The following SPG11 variants were observed in gnomAD, a reference collection of about 807,000 sequenced individuals.
SPG11 encodes spatacsin.
Under a neutral mutation model 274.0 loss-of-function variants are expected in SPG11, and 222 were observed. The observed-to-expected ratio is 0.81, with a 90% CI of 0.73 to 0.91. The LOEUF is 0.91. SPG11 is among the 40% of genes least tolerant of loss of function. SPG11 has a pLI of 0.00. For missense variants in SPG11, 3,114 were observed against 2,872.7 expected, an observed-to-expected ratio of 1.08 and a Z score of -1.92; for synonymous variants, 1,144 against 1,039.7, an observed-to-expected ratio of 1.10 and a Z score of -1.93.
At chr15:44,607,196 T>C (rs943282735) in intron 19 of SPG11, among the ~76,000 whole-genome samples, 2 of 152,242 alleles carry the variant, frequency 1.3e-5, no homozygotes, top group African/African-American at 4.8e-5. Context: ...ACAAGCAGTA[T>C]ACAAGTGCTG....
In SPG11 at chr15:44,652,346, A is replaced by G. The variant is rs2084808250; in HGVS notation, c.870-80T>C. ...TGTGTTACTACTGCTCCTGTTAAAA[A>G]TAAGAGATTACAGAGAAGGAATAGT... On this transcript the variant is annotated intron_variant, in intron 4 of 39. Coordinates refer to ENST00000261866, the MANE Select transcript of SPG11 (RefSeq NM_025137.4). 4 of 1,451,170 alleles carry G rather than the reference A, an allele frequency of 2.8e-6. No homozygotes were observed. In the African/African-American group the frequency reaches 5.6e-5, roughly 20 times the overall value. 89.9% of individuals were successfully genotyped at this position (1,451,170 alleles called of 1,614,324 possible).
chr15:44,565,272 G>T (rs2082285519), intron 38 of SPG11, among the ~76,000 whole-genome samples: 1 of 152,182 alleles, frequency 6.6e-6, no homozygotes, highest in South Asian at 2.1e-4. Flanking sequence ...AACCTCAACT[G>T]TCTTAAGGCA....
chr15:44,582,696 G>A (rs1457208888), intron 30 of SPG11, among the ~76,000 whole-genome samples: 4 of 151,808 alleles, frequency 2.6e-5, no homozygotes, highest in African/African-American at 7.3e-5. Context: ...ATGTAAATGG[G>A]GAATTCAAGG....
Position 44,626,350 on chromosome 15 carries a change from G to A in SPG11, c.2225C>T (p.Ser742Phe), listed in dbSNP as rs779199279. ...ACTCACCATATTCTTCAAAAGTTCA[G>A]AGGCTTCCTTTATATTGTTCTTTTT... ...NLKKNNIKEA[S>F]ELLKNMGFDV... The change falls in exon 11 of 40, where the codon TCT (serine) becomes TTT (phenylalanine). Residue 742 changes from serine to phenylalanine, a missense_variant. By Grantham distance (155) the Ser-to-Phe change is radical. Transcript: ENST00000261866. 1.9e-6 allele frequency: 3 copies of A among 1,612,346 alleles called. No individual in the cohort carries two copies. The highest frequency in any genetic ancestry group is 2.5e-6 in the Non-Finnish European group (3 of 1,179,714).
chr15:44,583,799 A>T lies in SPG11; in HGVS notation c.5866+15T>A. On this transcript the variant is annotated intron_variant, in intron 30 of 39. Coordinates refer to ENST00000261866, the MANE Select transcript of SPG11 (RefSeq NM_025137.4). Reference sequence around the variant, plus strand: ...GCCATTTAAGACTCTGGGCCATCTGATCTCCTTCACTTACTGCTGTGGACT... The same window carrying T: ...GCCATTTAAGACTCTGGGCCATCTGTTCTCCTTCACTTACTGCTGTGGACT... 6.2e-7 allele frequency: 1 copy of T among 1,613,976 alleles called. No homozygotes were observed. The highest frequency in any genetic ancestry group is 1.1e-5 in the South Asian group (1 of 91,068).
At position 44,629,368 on chromosome 15, in the gene SPG11, C is replaced by G. The variant is rs2083993724; in HGVS notation, c.1756G>C (p.Ala586Pro). The change falls in exon 9 of 40, where the codon GCA becomes CCA. Residue 586 changes from alanine (A) to proline (P), a missense_variant. Ala to Pro is a conservative substitution (Grantham distance 27). Transcript: ENST00000261866. Reference sequence around the variant, plus strand: ...ATTGCCGAGCAAAGTAAATCCAATGCTGGTATCAGCTCTTCCACATCTGAG... The same window carrying G: ...ATTGCCGAGCAAAGTAAATCCAATGGTGGTATCAGCTCTTCCACATCTGAG... Reference protein sequence around the residue: ...YLRNVEELIPALDLLCSAIRE... With the variant: ...YLRNVEELIPPLDLLCSAIRE... The G allele has an allele frequency of 6.2e-7, 1 of 1,614,092 alleles. No individual in the cohort carries two copies. The highest frequency in any genetic ancestry group is 8.5e-7 in the Non-Finnish European group (1 of 1,180,018).
chr15:44,653,281 T>C (rs1030691250), intron 4 of SPG11, among the ~76,000 whole-genome samples: 2 of 152,146 alleles, frequency 1.3e-5, no homozygotes, highest in Non-Finnish European at 2.9e-5. Flanking sequence ...TTTTATCTCT[T>C]TGAACACTTA....
chr15:44,635,442 A>T (rs911820832), intron 7 of SPG11, among the ~76,000 whole-genome samples: 4 of 151,086 alleles, frequency 2.6e-5, no homozygotes, highest in Non-Finnish European at 5.9e-5. Flanking sequence ...TGTCTCTACT[A>T]AAAAAAATTA....
intron 30 of SPG11, 22 bp downstream of exon 30, chr15:44,583,792 C>A (rs376911283): frequency 6.2e-7 from 1 of 1,614,070 alleles, no homozygotes; most frequent in East Asian, 2.2e-5. Flanking sequence ...AGACTCTGGG[C>A]CATCTGATCT....
chr15:44,572,675 T>G lies in SPG11; in HGVS notation c.6343+8A>C. 1 of 1,614,080 alleles carries G rather than the reference T, an allele frequency of 6.2e-7. No individual in the cohort carries two copies. Among genetic ancestry groups the G allele is most frequent in the Non-Finnish European group, 8.5e-7 (1 of 1,179,982 alleles). On this transcript the variant is annotated splice_region_variant and intron_variant, in intron 33 of 39. Coordinates refer to ENST00000261866, the MANE Select transcript of SPG11 (RefSeq NM_025137.4). ...CCAAAATATGTAAGAAAAAGGTCAA[T>G]AACTTACTGCAAGACAGTTCCCCAT...
At chr15:44,658,717 C>T (rs371444089) in intron 3 of SPG11, among the ~76,000 whole-genome samples, 3 of 152,070 alleles carry the variant, frequency 2.0e-5, no homozygotes, top group African/African-American at 7.2e-5. Context: ...CCTCGGCCTC[C>T]CAAAGTGCTG....
At chr15:44,586,581 T>C (rs924399080) in intron 28 of SPG11, among the ~76,000 whole-genome samples, 2 of 151,576 alleles carry the variant, frequency 1.3e-5, no homozygotes, top group African/African-American at 2.4e-5. Context: ...GAGGCGGAGG[T>C]TGAAGTGAGC....
chr15:44,608,588 T>C lies in SPG11; in HGVS notation c.3309A>G (p.Glu1103=). 1 of 1,614,062 alleles carries C rather than the reference T, an allele frequency of 6.2e-7. No individual in the cohort carries two copies. The highest frequency in any genetic ancestry group is 8.5e-7 in the Non-Finnish European group (1 of 1,179,990). ...CCACTTTCTTCAAACAGTTTTCATT[T>C]TCTTCATTCTGAACAACCTAAGTAA... ...GGVSQVVQNE[E]NENCLKKVDP... Residue 1103 remains glutamate, a synonymous_variant, in exon 19 of 40, where the codon GAA becomes GAG. Transcript: ENST00000261866.
chr15:44,648,760 G>T, intron 7 of SPG11, 106 bp downstream of exon 7: 1 of 1,301,976 alleles, frequency 7.7e-7, no homozygotes, highest in Non-Finnish European at 1.1e-6. Flanking sequence ...AAAGGCTATA[G>T]TTCTTTTTGC....
chr15:44,606,603 C>T (rs762962345), intron 19 of SPG11, among the ~76,000 whole-genome samples: 3 of 152,138 alleles, frequency 2.0e-5, no homozygotes, highest in Non-Finnish European at 4.4e-5. Flanking sequence ...CAGAAAAGAT[C>T]TGGCAGCAGC....
chr15:44,636,700 C>T (rs2084265369), intron 7 of SPG11, among the ~76,000 whole-genome samples: 1 of 150,896 alleles, frequency 6.6e-6, no homozygotes, highest in Non-Finnish European at 1.5e-5. Context: ...GGGAGAAAGG[C>T]AGGTCACTTG....
At chr15:44,641,520 C>T (rs919047912) in intron 7 of SPG11, among the ~76,000 whole-genome samples, 2 of 148,942 alleles carry the variant, frequency 1.3e-5, no homozygotes, top group African/African-American at 4.9e-5. Flanking sequence ...AAGAAAAATA[C>T]CCGAAAAGAA....
intron 21 of SPG11, among the ~76,000 whole-genome samples, chr15:44,599,548 T>A (rs977588030): frequency 6.6e-6 from 1 of 152,164 alleles, no homozygotes; most frequent in Admixed American, 6.5e-5. Context: ...TCCGCCCACC[T>A]TGGCCTCCCA....
At chr15:44,568,359 T>A (rs1006079522) in intron 35 of SPG11, among the ~76,000 whole-genome samples, 1 of 152,254 alleles carries the variant, frequency 6.6e-6, no homozygotes, top group Non-Finnish European at 1.5e-5. Context: ...GACTTGCTCC[T>A]CACTTGATGA....
Sources: gnomAD v4.1 joint callset for allele counts (sites outside exome capture counted in the v4.1 genomes callset) on GRCh38, gnomAD v4.1.1 for gene constraint, MANE v1.5 for transcripts, NCBI Gene and HGNC (gene_info 2026-07-23, HGNC 2026-07-21) for gene names.